Variants in TDRD3 observed in about 807,000 individuals in gnomAD.
The protein encoded by TDRD3 is tudor domain containing 3.
Under a neutral mutation model 86.7 loss-of-function variants are expected in TDRD3, and 45 were observed. The observed-to-expected ratio is 0.52, with a 90% CI of 0.41 to 0.67. The LOEUF is 0.67. TDRD3 is among the 30% of genes least tolerant of loss of function. The pLI is 0.00. For missense variants in TDRD3, 814 were observed against 889.0 expected, an observed-to-expected ratio of 0.92 and a Z score of 1.07; for synonymous variants, 298 against 301.7, an observed-to-expected ratio of 0.99 and a Z score of 0.13.
intron 7 of TDRD3, among the ~76,000 whole-genome samples, chr13:60,492,848 A>T (rs1436199541): frequency 6.6e-6 from 1 of 151,972 alleles, no homozygotes; most frequent in Non-Finnish European, 1.5e-5. Flanking sequence ...TGCTCATCCA[A>T]CATTTTAAAA....
At chr13:60,477,927 G>A (rs1213402660) in intron 5 of TDRD3, among the ~76,000 whole-genome samples, 1 of 152,178 alleles carries the variant, frequency 6.6e-6, no homozygotes, top group Non-Finnish European at 1.5e-5. Context: ...GATATTTATG[G>A]AACAGTTTCG....
chr13:60,406,199 C>T (rs1004930767), intron 1 of TDRD3, among the ~76,000 whole-genome samples: 5 of 152,058 alleles, frequency 3.3e-5, no homozygotes, highest in African/African-American at 1.2e-4. Context: ...TGGAGTCATT[C>T]CAGTATAGGT....
chr13:60,495,559 G>T (rs935805358), intron 8 of TDRD3, among the ~76,000 whole-genome samples: 1 of 151,956 alleles, frequency 6.6e-6, no homozygotes, highest in Non-Finnish European at 1.5e-5. Context: ...TGCCTCCTGG[G>T]TTCAAGTGAT....
intron 1 of TDRD3, among the ~76,000 whole-genome samples, chr13:60,428,357 T>G (rs928348612): frequency 6.6e-6 from 1 of 151,922 alleles, no homozygotes; most frequent in African/African-American, 2.4e-5. Context: ...TGGGCCACCA[T>G]TCAGGCTACT....
chr13:60,547,905 G>C (rs1250381569), intron 12 of TDRD3, among the ~76,000 whole-genome samples: 1 of 152,088 alleles, frequency 6.6e-6, no homozygotes, highest in African/African-American at 2.4e-5. Flanking sequence ...AAACATCAAA[G>C]AATCTCTAAT....
chr13:60,476,171 A>G (rs986390980), intron 5 of TDRD3, among the ~76,000 whole-genome samples: 1 of 152,060 alleles, frequency 6.6e-6, no homozygotes, highest in Non-Finnish European at 1.5e-5. Flanking sequence ...TTATTGTTTT[A>G]GATGTTACAT....
At chr13:60,486,100 C>T in intron 7 of TDRD3, 152 bp downstream of exon 7, 2 of 702,602 alleles carry the variant, frequency 2.8e-6, no homozygotes, top group Non-Finnish European at 4.1e-6. Context: ...GAATGCCCTG[C>T]CACTTCATGG....
chr13:60,430,217 C>T (rs547727945), intron 1 of TDRD3, among the ~76,000 whole-genome samples: 1 of 152,268 alleles, frequency 6.6e-6, no homozygotes, highest in South Asian at 2.1e-4. Flanking sequence ...TAATACCTTA[C>T]ATTTATAAAT....
intron 8 of TDRD3, among the ~76,000 whole-genome samples, chr13:60,500,448 A>G (rs1956807281): frequency 6.6e-6 from 1 of 152,162 alleles, no homozygotes; most frequent in Non-Finnish European, 1.5e-5. Flanking sequence ...ATCAGTTGAC[A>G]GAGGAAGAGA....
intron 13 of TDRD3, among the ~76,000 whole-genome samples, 181 bp from the exon 14 acceptor site, chr13:60,573,435 T>A (rs1305520474): frequency 1.3e-5 from 2 of 152,266 alleles, no homozygotes; most frequent in Non-Finnish European, 2.9e-5. Context: ...TTTGCTTTTT[T>A]CTTTCATATT....
intron 3 of TDRD3, among the ~76,000 whole-genome samples, chr13:60,446,143 A>C (rs937230392): frequency 1.3e-5 from 2 of 152,126 alleles, no homozygotes; most frequent in African/African-American, 2.4e-5. Context: ...GCTCTTCCTC[A>C]TTGATTATAT....
Position 60,439,760 on chromosome 13 carries a change from G to T in TDRD3, c.114G>T (p.Leu38=). Residue 38 remains leucine, a synonymous_variant, in exon 2 of 14, where the codon CTG becomes CTT. Coordinates refer to ENST00000377881, the MANE Select transcript of TDRD3 (RefSeq NM_001146070.2). ...PDKVNVNDII[L]IALNTDLRTI... is the part of the protein sequence containing the mutation. ...AAGTCAATGTAAATGACATCATCCTGATTGCTCTCAATGTAGGTTATATTT... is the reference window on the plus strand; with the variant it reads ...AAGTCAATGTAAATGACATCATCCTTATTGCTCTCAATGTAGGTTATATTT... The T allele has an allele frequency of 1.3e-6, 2 of 1,537,612 alleles. No homozygotes were observed. Among genetic ancestry groups the T allele is most frequent in the South Asian group, 1.3e-5 (1 of 79,808 alleles).
chr13:60,451,914 T>C (rs772830051), intron 3 of TDRD3, among the ~76,000 whole-genome samples: 47 of 152,202 alleles, frequency 3.1e-4, no homozygotes, highest in Non-Finnish European at 5.1e-4. Context: ...TGAAATTGCA[T>C]TGAATCTGCG....
chr13:60,557,820 A>ATTTTTTTTTTTTTTTTTTTTTTTTTTTT lies in TDRD3; in HGVS notation c.2119-9683_2119-9682insTTTTTTTTTTTTTTTTTTTTTTTTTTTT, dbSNP rs749028045. Among the ~76,000 whole-genome samples, 32 of 88,280 alleles carry ATTTTTTTTTTTTTTTTTTTTTTTTTTTT rather than the reference A, an allele frequency of 3.6e-4. 3 individuals carry two copies. The highest frequency in any genetic ancestry group is 1.0e-3 in the South Asian group (2 of 1,932). The allele number at this position is 88,280 out of a possible 152,430, so 57.9% of individuals were successfully genotyped here. A position where few individuals can be genotyped will look rare whatever the true frequency, so the allele number is the denominator to read the frequency against. ...GGCATAAAGGATTTTTTTTTTCCTGATTTTTTTTTTTTTTTTTTTTTTGAG... is the reference window on the plus strand; with the variant it reads ...GGCATAAAGGATTTTTTTTTTCCTGATTTTTTTTTTTTTTTTTTTTTTTTTTTTTTTTTTTTTTTTTTTTTTTTTTGAG... On this transcript the variant is annotated intron_variant, in intron 12 of 13. Coordinates refer to ENST00000377881, the MANE Select transcript of TDRD3 (RefSeq NM_001146070.2).
chr13:60,567,503 A>C (rs1157424962), intron 12 of TDRD3, 22 bp from the exon 13 acceptor site: 1 of 1,614,058 alleles, frequency 6.2e-7, no homozygotes, highest in South Asian at 1.1e-5. Flanking sequence ...GAACATGTAA[A>C]ATCACTACTC....
intron 12 of TDRD3, among the ~76,000 whole-genome samples, chr13:60,545,730 A>G (rs1408850651): frequency 6.6e-6 from 1 of 152,092 alleles, no homozygotes; most frequent in East Asian, 1.9e-4. Context: ...ACCCAAAAGA[A>G]TGTTAGACTT....
intron 5 of TDRD3, among the ~76,000 whole-genome samples, chr13:60,478,108 A>G (rs1183361143): frequency 6.6e-6 from 1 of 151,698 alleles, no homozygotes; most frequent in Non-Finnish European, 1.5e-5. Context: ...CAGTCTTTGG[A>G]GATTGCTTCT....
intron 13 of TDRD3, among the ~76,000 whole-genome samples, chr13:60,569,770 A>G (rs899202629): frequency 1.3e-5 from 2 of 152,176 alleles, no homozygotes; most frequent in African/African-American, 4.8e-5. Context: ...AAAGCTCTAT[A>G]TTTACAGCCA....
intron 12 of TDRD3, among the ~76,000 whole-genome samples, chr13:60,541,147 TTC>T (rs1406536395): frequency 2.6e-5 from 1 of 38,854 alleles, no homozygotes; most frequent in Non-Finnish European, 5.6e-5. Flanking sequence ...TGTTTTTCTA[TTC>T]TTTCTTTCTT....
Sources: allele counts gnomAD v4.1 joint callset (sites outside exome capture counted in the v4.1 genomes callset), GRCh38; gene constraint gnomAD v4.1.1; transcripts MANE v1.5; gene names NCBI Gene and HGNC (gene_info 2026-07-23, HGNC 2026-07-21).